The following SMAD1 variants were observed in gnomAD, a reference collection of about 807,000 sequenced individuals.
SMAD1 encodes SMAD family member 1, also known as MAD, mothers against decapentaplegic homolog 1.
SMAD1 carries 6 observed loss-of-function variants against 41.6 expected under a neutral mutation model. The observed-to-expected ratio is 0.14, with a 90% CI of 0.08 to 0.28. SMAD1 has a LOEUF of 0.28. Among genes scored for constraint, SMAD1 ranks in the 10% least tolerant of loss-of-function variants. The probability of loss-of-function intolerance (pLI) is 1.00; values close to 1 mark genes in which losing one functional copy is unlikely to be tolerated. For missense variants in SMAD1, 379 were observed against 582.6 expected (o/e 0.65, Z 3.60); for synonymous variants, 206 against 203.2 (o/e 1.01, Z -0.12).
intron 2 of SMAD1, among the ~76,000 whole-genome samples, chr4:145,531,259 T>C (rs906032749): frequency 3.9e-5 from 6 of 152,254 alleles, no homozygotes; most frequent in African/African-American, 1.4e-4. Flanking sequence ...ATACTATTAA[T>C]TTTAAGTGTT....
In SMAD1 at chr4:145,481,857, C is replaced by T. The variant is rs1728191555; in HGVS notation, c.-358C>T. On this transcript the variant is annotated 5_prime_UTR_variant, in exon 1 of 7. Coordinates refer to ENST00000302085, the MANE Select transcript of SMAD1 (RefSeq NM_005900.3). ...CTCCCTGACGCCAGCGCGACCAGAT[C>T]AATCCAGGCTCCAGGAGAAAGCAGG... 1 of 160,276 alleles carries T rather than the reference C, an allele frequency of 6.2e-6. No homozygotes were observed. The highest frequency in any genetic ancestry group is 1.7e-4 in the South Asian group (1 of 5,948). The allele number at this position is 160,276 out of a possible 1,614,324, so 9.9% of individuals were successfully genotyped here.
At chr4:145,490,146 C>T (rs1728697845) in intron 1 of SMAD1, among the ~76,000 whole-genome samples, 1 of 152,120 alleles carries the variant, frequency 6.6e-6, no homozygotes, top group Non-Finnish European at 1.5e-5. Flanking sequence ...GATGAGACCT[C>T]TTCATATTTG....
intron 2 of SMAD1, among the ~76,000 whole-genome samples, chr4:145,532,315 TGA>T (rs1202453663): frequency 1.3e-5 from 2 of 152,170 alleles, no homozygotes; most frequent in Admixed American, 1.3e-4. Flanking sequence ...TTTTTTCTCC[TGA>T]GAGAAAAGGA....
intron 1 of SMAD1, among the ~76,000 whole-genome samples, chr4:145,505,906 A>G (rs922667035): frequency 2.0e-5 from 3 of 151,630 alleles, no homozygotes; most frequent in Non-Finnish European, 2.9e-5. Context: ...GTGCAATGGC[A>G]CAATCTTGGC....
At chr4:145,532,904 CAAAG>C (rs893034574) in intron 2 of SMAD1, among the ~76,000 whole-genome samples, 2 of 152,218 alleles carry the variant, frequency 1.3e-5, no homozygotes, top group Non-Finnish European at 2.9e-5. Context: ...GAGAATTGCA[CAAAG>C]AAAGTGTGCT....
chr4:145,489,220 G>A (rs886669872), intron 1 of SMAD1, among the ~76,000 whole-genome samples: 1 of 152,212 alleles, frequency 6.6e-6, no homozygotes, highest in Non-Finnish European at 1.5e-5. Context: ...ACCTCAGTGG[G>A]TGTTCCTCAT....
intron 2 of SMAD1, among the ~76,000 whole-genome samples, chr4:145,529,287 G>C (rs189642619): frequency 6.6e-6 from 1 of 151,738 alleles, no homozygotes; most frequent in African/African-American, 2.4e-5. Flanking sequence ...AACAACTCTC[G>C]AAGTCTCTAA....
At chr4:145,541,211 G>GA (rs1028008931) in intron 3 of SMAD1, among the ~76,000 whole-genome samples, 1 of 152,124 alleles carries the variant, frequency 6.6e-6, no homozygotes, top group Admixed American at 6.5e-5. Flanking sequence ...CCCCAAGATT[G>GA]AATTAAAGGT....
At position 145,557,895 on chromosome 4, in the gene SMAD1, A is replaced by G. The variant is rs762479414; in HGVS notation, c.1359A>G (p.Gln453=). The part of the protein sequence containing the change: ...PLQWLDKVLT[Q]MGSPHNPISS... ...AGTGGCTGGATAAAGTTCTTACTCAAATGGGTTCACCTCATAATCCTATTT... is the reference window on the plus strand; with the variant it reads ...AGTGGCTGGATAAAGTTCTTACTCAGATGGGTTCACCTCATAATCCTATTT... The change falls in exon 7 of 7, where the codon CAA becomes CAG. Residue 453 remains glutamine (Q), a synonymous_variant. Coordinates refer to ENST00000302085, the MANE Select transcript of SMAD1 (RefSeq NM_005900.3). 5 of 1,612,548 alleles carry G rather than the reference A, an allele frequency of 3.1e-6. No individual in the cohort carries two copies. Among genetic ancestry groups the G allele is most frequent in the South Asian group, 2.2e-5 (2 of 90,772 alleles).
chr4:145,531,821 ACTT>A (rs1215251870), intron 2 of SMAD1, among the ~76,000 whole-genome samples: 1 of 151,134 alleles, frequency 6.6e-6, no homozygotes, highest in Non-Finnish European at 1.5e-5. Context: ...TGTGTCCGTT[ACTT>A]CTTTTTTTTT....
chr4:145,507,448 T>C (rs1729853456), intron 1 of SMAD1, among the ~76,000 whole-genome samples: 1 of 152,080 alleles, frequency 6.6e-6, no homozygotes, highest in Non-Finnish European at 1.5e-5. Context: ...CTGTATAATA[T>C]TCCATTGAGT....
At chr4:145,502,178 TG>T (rs1226754342) in intron 1 of SMAD1, among the ~76,000 whole-genome samples, 1 of 152,074 alleles carries the variant, frequency 6.6e-6, no homozygotes, top group Non-Finnish European at 1.5e-5. Context: ...GTTTGAGGAG[TG>T]AGCATTTGTA....
chr4:145,556,251 T>G (rs1699726804), intron 6 of SMAD1, among the ~76,000 whole-genome samples: 3 of 152,194 alleles, frequency 2.0e-5, no homozygotes, highest in African/African-American at 7.2e-5. Flanking sequence ...GTCATTATGC[T>G]GTATATTGGA....
chr4:145,535,940 G>C (rs759587721), intron 2 of SMAD1, among the ~76,000 whole-genome samples: 1 of 148,482 alleles, frequency 6.7e-6, no homozygotes, highest in South Asian at 2.1e-4. Context: ...ATGAATCCAA[G>C]TAGATTTTGA....
chr4:145,554,126 T>C, intron 6 of SMAD1, 86 bp downstream of exon 6: 3 of 1,200,378 alleles, frequency 2.5e-6, no homozygotes, highest in Non-Finnish European at 2.3e-6. Flanking sequence ...TATGAATCTA[T>C]ATCCTCTTGA....
chr4:145,525,144 A>C (rs534532847), intron 2 of SMAD1, among the ~76,000 whole-genome samples: 14 of 152,208 alleles, frequency 9.2e-5, no homozygotes, highest in Non-Finnish European at 1.8e-4. Flanking sequence ...TCTCAGGCTG[A>C]TTAATTTGGT....
intron 4 of SMAD1, chr4:145,546,269 C>A: frequency 5.9e-6 from 1 of 170,908 alleles, no homozygotes; most frequent in Non-Finnish European, 1.3e-5. Flanking sequence ...CATTTTTATG[C>A]CAGTACCTTT....
chr4:145,503,209 A>G (rs1434803798), intron 1 of SMAD1, among the ~76,000 whole-genome samples: 1 of 152,136 alleles, frequency 6.6e-6, no homozygotes, highest in East Asian at 1.9e-4. Flanking sequence ...GAGGCTCAGT[A>G]AGATGGAACT....
intron 1 of SMAD1, among the ~76,000 whole-genome samples, chr4:145,506,282 T>TA (rs1729774335): frequency 6.6e-6 from 1 of 152,234 alleles, no homozygotes; most frequent in Admixed American, 6.5e-5. Context: ...CATGATTTTT[T>TA]ACTATTAGTT....
Sources: allele counts gnomAD v4.1 joint callset (sites outside exome capture counted in the v4.1 genomes callset), GRCh38; gene constraint gnomAD v4.1.1; transcripts MANE v1.5; gene names NCBI Gene and HGNC (gene_info 2026-07-23, HGNC 2026-07-21).